GOLGA4: variants seen among roughly 807,000 people sequenced by gnomAD.
GOLGA4 encodes the protein golgin subfamily A member 4.
Under a neutral mutation model 265.9 loss-of-function variants are expected in GOLGA4, and 169 were observed. The ratio of observed to expected loss-of-function variants is 0.64; its 90% CI spans 0.56 to 0.72. The LOEUF is 0.72. Ranked by LOEUF, GOLGA4 falls within the 30% of genes least tolerant of loss-of-function variation. The probability of loss-of-function intolerance (pLI) is 0.00; values close to 1 mark genes in which losing one functional copy is unlikely to be tolerated. For missense variants in GOLGA4, 2,482 were observed against 2,483.4 expected, an observed-to-expected ratio of 1.00 and a Z score of 0.01; for synonymous variants, 923 against 855.8, an observed-to-expected ratio of 1.08 and a Z score of -1.37.
At chr3:37,286,645 T>G (rs1376409456) in intron 4 of GOLGA4, among the ~76,000 whole-genome samples, 1 of 152,220 alleles carries the variant, frequency 6.6e-6, no homozygotes, top group Non-Finnish European at 1.5e-5. Flanking sequence ...ATTTACAGCA[T>G]GCCTCTCTCA....
At position 37,327,321 on chromosome 3, in the gene GOLGA4, T is replaced by A. The variant is rs767873424; in HGVS notation, c.5435T>A (p.Val1812Glu). The change falls in exon 14 of 24, where the codon GTA becomes GAA. Residue 1812 changes from valine to glutamate, a missense_variant. This residue lies in a region of GOLGA4 where 942 missense variants were observed against 983.1 expected (regional missense o/e 0.96). Transcript: ENST00000361924. ...AAAAACAAGAAATATTCCTTGATAG[T>A]AGCCCAGCATGTGGAAAAAGAAGGA... ...EEKNKKYSLI[V>E]AQHVEKEGGK... 4 of 1,613,830 alleles carry A rather than the reference T, an allele frequency of 2.5e-6. No individual in the cohort carries two copies. The highest frequency in any genetic ancestry group is 3.4e-6 in the Non-Finnish European group (4 of 1,179,808).
At chr3:37,332,403 A>T (rs2096993693) in intron 16 of GOLGA4, among the ~76,000 whole-genome samples, 1 of 152,146 alleles carries the variant, frequency 6.6e-6, no homozygotes, top group Non-Finnish European at 1.5e-5. Flanking sequence ...ACACTTTGGG[A>T]GGCTGAGGCA....
chr3:37,348,567 T>TG (rs2151045542), intron 21 of GOLGA4, among the ~76,000 whole-genome samples: 1 of 152,118 alleles, frequency 6.6e-6, no homozygotes, highest in African/African-American at 2.4e-5. Flanking sequence ...TATGTCCCTG[T>TG]GGGGGGATAT....
rs989478121 is a variant in GOLGA4 at position 37,243,839 on chromosome 3, A to G, written c.72+217A>G. ...ATCGCAAAACTTCATCCAGTCAATGAGTGGATGGGGGTGGCTGGATCCCTC... is the reference window on the plus strand; with the variant it reads ...ATCGCAAAACTTCATCCAGTCAATGGGTGGATGGGGGTGGCTGGATCCCTC... On this transcript the variant is annotated intron_variant, in intron 1 of 23. Transcript: ENST00000361924. The G allele has an allele frequency of 2.4e-5, 14 of 574,946 alleles. No individual in the cohort carries two copies. In the East Asian group the frequency reaches 3.8e-4, roughly 16 times the overall value. The allele number at this position is 574,946 out of a possible 1,614,324, so 35.6% of individuals were successfully genotyped here. A position where few individuals can be genotyped will look rare whatever the true frequency, so the allele number is the denominator to read the frequency against.
chr3:37,276,107 T>A (rs2096817465), intron 2 of GOLGA4: 1 of 1,611,178 alleles, frequency 6.2e-7, no homozygotes, highest in East Asian at 2.2e-5. Context: ...CACTTCTGAT[T>A]CTGTGCAGTT....
chr3:37,328,032 A>T (rs2096977618), intron 14 of GOLGA4, among the ~76,000 whole-genome samples: 1 of 152,102 alleles, frequency 6.6e-6, no homozygotes, highest in South Asian at 2.1e-4. Flanking sequence ...TTTAGGAGAG[A>T]AAAACCTTTT....
Position 37,325,668 on chromosome 3 carries a change from A to C in GOLGA4, c.3782A>C (p.Lys1261Thr), listed in dbSNP as rs113184679. Residue 1261 changes from lysine to threonine, a missense_variant, in exon 14 of 24, where the codon AAG (lysine) becomes ACG (threonine). Transcript: ENST00000361924. ...TGTCAGCACCGTACAACTAAAGTTA[A>C]GGAGGCACTGTTAATTAAAACTTGC... ...SHCQHRTTKVKEALLIKTCTV... is the reference protein window; with the variant it reads ...SHCQHRTTKVTEALLIKTCTV... 6.3e-4 allele frequency: 1,016 copies of C among 1,613,972 alleles called. 6 individuals carry two copies. In the African/African-American group the frequency reaches 0.012, roughly 20 times the overall value.
intron 2 of GOLGA4, among the ~76,000 whole-genome samples, chr3:37,252,899 A>C (rs1165267067): frequency 6.6e-6 from 1 of 152,056 alleles, no homozygotes; most frequent in African/African-American, 2.4e-5. Flanking sequence ...TCTTGCAGCT[A>C]TCTTCCACTC....
rs1052260955 is a variant in GOLGA4, at chr3:37,366,414, A to G, written c.*368A>G. On this transcript the variant is annotated 3_prime_UTR_variant, in exon 24 of 24. Coordinates refer to ENST00000361924, the MANE Select transcript of GOLGA4 (RefSeq NM_002078.5). ...AAAGAACGGCTTACCTTTCCTATTT[A>G]TTTTTAGGGTGATTTTTTAAAAAGA... is the stretch of plus-strand genomic sequence containing the variant. 3.4e-6 allele frequency: 1 copy of G among 292,578 alleles called. No individual in the cohort carries two copies. Among genetic ancestry groups the G allele is most frequent in the African/African-American group, 2.2e-5 (1 of 46,198 alleles). 18.1% of individuals were successfully genotyped at this position (292,578 alleles called of 1,614,324 possible). A position where few individuals can be genotyped will look rare whatever the true frequency, so the allele number is the denominator to read the frequency against.
chr3:37,325,556 A>G lies in GOLGA4; in HGVS notation c.3670A>G (p.Thr1224Ala). 6.2e-7 allele frequency: 1 copy of G among 1,613,622 alleles called. No individual in the cohort carries two copies. The highest frequency in any genetic ancestry group is 1.1e-5 in the South Asian group (1 of 91,024). The part of the protein sequence containing the change: ...AIQLDICCKK[T>A]EALLEAKTNE... ...TCAGCTAGATATTTGCTGTAAGAAA[A>G]CCGAAGCCTTATTAGAAGCTAAAAC... Residue 1224 changes from threonine (T) to alanine (A), a missense_variant, in exon 14 of 24, where the codon ACC (threonine) becomes GCC (alanine). By Grantham distance (58) the Thr-to-Ala change is moderately conservative (BLOSUM62 0). Coordinates refer to ENST00000361924, the MANE Select transcript of GOLGA4 (RefSeq NM_002078.5).
intron 2 of GOLGA4, among the ~76,000 whole-genome samples, chr3:37,263,452 T>C (rs898388061): frequency 3.3e-5 from 5 of 152,234 alleles, no homozygotes; most frequent in Non-Finnish European, 5.9e-5. Context: ...TAAGAACCGA[T>C]GGCTGTATTC....
chr3:37,299,768 G>A (rs192807522), intron 9 of GOLGA4, among the ~76,000 whole-genome samples: 5 of 152,192 alleles, frequency 3.3e-5, no homozygotes, highest in South Asian at 2.1e-4. Flanking sequence ...ATAAATAAGG[G>A]GCTGGGCACA....
At chr3:37,281,706 T>C (rs1361486668) in intron 2 of GOLGA4, among the ~76,000 whole-genome samples, 2 of 152,170 alleles carry the variant, frequency 1.3e-5, no homozygotes, top group South Asian at 4.1e-4. Context: ...TGAAGGAAAG[T>C]GACTTACTGA....
At chr3:37,285,905 G>A in intron 3 of GOLGA4, 109 bp from the exon 4 acceptor site, 1 of 612,536 alleles carries the variant, frequency 1.6e-6, no homozygotes, top group Non-Finnish European at 3.0e-6. Context: ...ATCCTATTAA[G>A]GACTCTTCTA....
At chr3:37,341,120 T>A (rs2097032435) in intron 20 of GOLGA4, among the ~76,000 whole-genome samples, 1 of 151,910 alleles carries the variant, frequency 6.6e-6, no homozygotes, top group Non-Finnish European at 1.5e-5. Context: ...TGAGCCAAGA[T>A]CATGCCATTG....
chr3:37,360,222 T>C (rs538091645), intron 22 of GOLGA4, among the ~76,000 whole-genome samples: 97 of 152,346 alleles, frequency 6.4e-4, no homozygotes, highest in African/African-American at 2.3e-3. Flanking sequence ...TTATTACAAA[T>C]TGGTCTCATT....
Position 37,333,965 on chromosome 3 carries a change from A to G in GOLGA4, c.6193-1088A>G, listed in dbSNP as rs111506216. On this transcript the variant is annotated intron_variant, in intron 16 of 23. Coordinates refer to ENST00000361924, the MANE Select transcript of GOLGA4 (RefSeq NM_002078.5). ...TGGTGTTTCTGTTTTTGGTAAGTCAATGTCTATTAAATCAGATACCTGTTT... is the reference window on the plus strand; with the variant it reads ...TGGTGTTTCTGTTTTTGGTAAGTCAGTGTCTATTAAATCAGATACCTGTTT... 3.1e-3 allele frequency among the ~76,000 whole-genome samples: 472 copies of G among 152,298 alleles called. 5 individuals are homozygous for G. The highest frequency in any genetic ancestry group is 0.01 in the African/African-American group (418 of 41,554).
chr3:37,258,112 ATG>A lies in GOLGA4; in HGVS notation c.162+6634_162+6635del, dbSNP rs1222085343. Among the ~76,000 whole-genome samples the A allele has an allele frequency of 5.0e-4, 67 of 133,996 alleles. 2 individuals are homozygous for A. Among genetic ancestry groups the A allele is most frequent in the African/African-American group, 1.7e-3 (59 of 33,862 alleles). 87.9% of individuals were successfully genotyped at this position (133,996 alleles called of 152,430 possible). On this transcript the variant is annotated intron_variant, in intron 2 of 23. Coordinates refer to ENST00000361924, the MANE Select transcript of GOLGA4 (RefSeq NM_002078.5). ...ATATATATATGCTCTGTATATATATATGTGTGTATATATATATGCTCTGTATA... is the reference window on the plus strand; with the variant it reads ...ATATATATATGCTCTGTATATATATATGTGTATATATATATGCTCTGTATA...
At chr3:37,329,268 T>A in intron 16 of GOLGA4, 175 bp downstream of exon 16, 1 of 473,480 alleles carries the variant, frequency 2.1e-6, no homozygotes, top group South Asian at 3.4e-5. Flanking sequence ...TGAGTTGATT[T>A]CTGCCAGGAT....
Sources: allele counts gnomAD v4.1 joint callset (sites outside exome capture counted in the v4.1 genomes callset), GRCh38; gene constraint gnomAD v4.1.1; regional missense constraint gnomAD v4.1.1; transcripts MANE v1.5; gene names NCBI Gene and HGNC (gene_info 2026-07-23, HGNC 2026-07-21).